Variants in CAMKMT observed in about 807,000 individuals in gnomAD.
CAMKMT encodes calmodulin-lysine N-methyltransferase.
CAMKMT carries 53 observed loss-of-function variants against 48.0 expected under a neutral mutation model. That is an observed-to-expected ratio of 1.10 (90% CI 0.89 to 1.39). The LOEUF (loss-of-function observed/expected upper bound fraction) is 1.39, where lower values mean the gene tolerates loss of function less well. CAMKMT is among the 40% of genes most tolerant of loss of function. The pLI is 0.00. For missense variants in CAMKMT, 428 were observed against 402.7 expected (o/e 1.06, Z -0.54); for synonymous variants, 165 against 152.3 (o/e 1.08, Z -0.61).
chr2:44,545,463 C>T (rs965122563), intron 3 of CAMKMT, among the ~76,000 whole-genome samples: 2 of 152,182 alleles, frequency 1.3e-5, no homozygotes, highest in Non-Finnish European at 2.9e-5. Flanking sequence ...CCCTGCTCTT[C>T]CTCGTGGAAC....
intron 3 of CAMKMT, among the ~76,000 whole-genome samples, chr2:44,398,587 A>G (rs1225290340): frequency 2.8e-5 from 4 of 140,464 alleles, no homozygotes; most frequent in Non-Finnish European, 6.1e-5. Flanking sequence ...TTTTTTGAGA[A>G]GTGCTGATTT....
chr2:44,564,489 G>T (rs1668503415), intron 3 of CAMKMT, among the ~76,000 whole-genome samples: 1 of 151,706 alleles, frequency 6.6e-6, no homozygotes, highest in South Asian at 2.1e-4. Flanking sequence ...ACTTTTCTCA[G>T]AGTGAATAAA....
intron 3 of CAMKMT, among the ~76,000 whole-genome samples, chr2:44,625,828 A>G (rs1672451093): frequency 1.3e-5 from 2 of 152,188 alleles, no homozygotes; most frequent in South Asian, 4.1e-4. Context: ...GTAAATGTCC[A>G]GATCTCTTAC....
intron 3 of CAMKMT, among the ~76,000 whole-genome samples, chr2:44,534,553 A>C (rs1666662559): frequency 6.6e-6 from 1 of 152,178 alleles, no homozygotes; most frequent in Non-Finnish European, 1.5e-5. Flanking sequence ...ATCACAATTA[A>C]ACTAGAAATC....
intron 8 of CAMKMT, among the ~76,000 whole-genome samples, chr2:44,750,567 T>C (rs1229452529): frequency 6.6e-6 from 1 of 152,222 alleles, no homozygotes; most frequent in African/African-American, 2.4e-5. Context: ...CTGATGGCTC[T>C]AAAGCTGAAG....
intron 3 of CAMKMT, among the ~76,000 whole-genome samples, chr2:44,410,382 C>T (rs981830245): frequency 1.3e-5 from 2 of 148,170 alleles, no homozygotes; most frequent in Non-Finnish European, 3.0e-5. Flanking sequence ...CTCAGCCTCC[C>T]GAGTAGCTGG....
chr2:44,398,882 T>G (rs1032456419), intron 3 of CAMKMT, among the ~76,000 whole-genome samples: 6 of 152,172 alleles, frequency 3.9e-5, no homozygotes, highest in African/African-American at 1.4e-4. Flanking sequence ...TGAATGAATT[T>G]AGTGTTTGTG....
intron 3 of CAMKMT, among the ~76,000 whole-genome samples, chr2:44,408,292 G>A (rs927513841): frequency 1.3e-5 from 2 of 151,810 alleles, no homozygotes; most frequent in Admixed American, 1.3e-4. Context: ...CCAAAGTTCT[G>A]GGATTACAGG....
At chr2:44,480,649 T>C (rs1668919501) in intron 3 of CAMKMT, among the ~76,000 whole-genome samples, 1 of 152,178 alleles carries the variant, frequency 6.6e-6, no homozygotes, top group African/African-American at 2.4e-5. Flanking sequence ...TAGATTCTTT[T>C]TATTTATCAT....
rs116423543 is a variant in CAMKMT, at chr2:44,389,285, A to G, written c.312-956A>G. Reference sequence around the variant, plus strand: ...CCACCCTAATGACCCTATTTTAACTAAATTACCTTTAAAAGCCCTATTGCT... The same window carrying G: ...CCACCCTAATGACCCTATTTTAACTGAATTACCTTTAAAAGCCCTATTGCT... On this transcript the variant is annotated intron_variant, in intron 2 of 10. Transcript: ENST00000378494. Among the ~76,000 whole-genome samples the G allele has an allele frequency of 3.0e-3, 462 of 152,234 alleles. 1 individual carries two copies. The highest frequency in any genetic ancestry group is 0.011 in the African/African-American group (442 of 41,534).
At chr2:44,771,135 C>T (rs554125300) in intron 10 of CAMKMT, among the ~76,000 whole-genome samples, 1 of 152,156 alleles carries the variant, frequency 6.6e-6, no homozygotes, top group East Asian at 1.9e-4. Context: ...TGAGGCCATT[C>T]ATTTTGCTTT....
intron 3 of CAMKMT, among the ~76,000 whole-genome samples, chr2:44,652,841 C>A (rs1674157979): frequency 6.6e-6 from 1 of 152,160 alleles, no homozygotes; most frequent in South Asian, 2.1e-4. Flanking sequence ...CCACTGACTC[C>A]CTAGTGAAAT....
At chr2:44,764,786 C>G (rs748568768) in intron 9 of CAMKMT, among the ~76,000 whole-genome samples, 8 of 152,182 alleles carry the variant, frequency 5.3e-5, no homozygotes, top group Non-Finnish European at 8.8e-5. Flanking sequence ...TGTGAAGCAC[C>G]TAGCACAGTG....
chr2:44,703,771 TAAAAA>T (rs547342457), intron 3 of CAMKMT, among the ~76,000 whole-genome samples: 1 of 84,098 alleles, frequency 1.2e-5, no homozygotes. Context: ...AGCAAGACTC[TAAAAA>T]AAAAAAAAAA....
At chr2:44,375,021 C>A (rs1174724902) in intron 2 of CAMKMT, among the ~76,000 whole-genome samples, 1 of 152,062 alleles carries the variant, frequency 6.6e-6, no homozygotes, top group South Asian at 2.1e-4. Flanking sequence ...GTCCCAGGCA[C>A]TCAGGAGGCT....
intron 3 of CAMKMT, among the ~76,000 whole-genome samples, chr2:44,621,508 C>G (rs1348069309): frequency 2.0e-5 from 3 of 151,962 alleles, no homozygotes; most frequent in Non-Finnish European, 2.9e-5. Context: ...TGAGAATAGA[C>G]CAGTCAAGGG....
chr2:44,602,870 G>C (rs1336174259), intron 3 of CAMKMT, among the ~76,000 whole-genome samples: 7 of 152,020 alleles, frequency 4.6e-5, no homozygotes, highest in Admixed American at 4.6e-4. Context: ...TGGGGACACA[G>C]AGACAAATCG....
intron 2 of CAMKMT, among the ~76,000 whole-genome samples, chr2:44,376,925 G>A (rs780261540): frequency 2.6e-5 from 4 of 152,054 alleles, no homozygotes; most frequent in South Asian, 4.2e-4. Context: ...TTCAAATTAC[G>A]TGTTGAGAGT....
chr2:44,436,629 T>C (rs1028504585), intron 3 of CAMKMT, among the ~76,000 whole-genome samples: 16 of 151,982 alleles, frequency 1.1e-4, no homozygotes, highest in Admixed American at 3.3e-4. Context: ...TCCAGGGCCA[T>C]ACAAAAACAT....
Sources: gnomAD v4.1 joint callset for allele counts (sites outside exome capture counted in the v4.1 genomes callset) on GRCh38, gnomAD v4.1.1 for gene constraint, MANE v1.5 for transcripts, NCBI Gene and HGNC (gene_info 2026-07-23, HGNC 2026-07-21) for gene names.